Variants in USP15 observed in about 807,000 individuals in gnomAD.
The protein encoded by USP15 is ubiquitin carboxyl-terminal hydrolase 15.
Under a neutral mutation model 127.1 loss-of-function variants are expected in USP15, and 18 were observed. The observed-to-expected ratio is 0.14, with a 90% CI of 0.10 to 0.21. The LOEUF (loss-of-function observed/expected upper bound fraction) is 0.21, where lower values mean the gene tolerates loss of function less well. Ranked by LOEUF, USP15 falls within the 10% of genes least tolerant of loss-of-function variation. USP15 has a pLI of 1.00. For missense variants in USP15, 805 were observed against 1,159.9 expected (o/e 0.69, Z 4.44); for synonymous variants, 364 against 393.7 (o/e 0.92, Z 0.89).
At chr12:62,299,980 G>T (rs1004728151) in intron 2 of USP15, among the ~76,000 whole-genome samples, 1 of 152,034 alleles carries the variant, frequency 6.6e-6, no homozygotes, top group Non-Finnish European at 1.5e-5. Flanking sequence ...TTCAGATCCT[G>T]TGCCTATTTT....
intron 8 of USP15, among the ~76,000 whole-genome samples, chr12:62,371,163 C>G (rs542797741): frequency 1.3e-4 from 20 of 152,270 alleles, no homozygotes; most frequent in Admixed American, 2.0e-4. Context: ...GCCCCATCAC[C>G]TAAAGGATAA....
At chr12:62,313,378 T>C (rs989246194) in intron 3 of USP15, among the ~76,000 whole-genome samples, 12 of 151,810 alleles carry the variant, frequency 7.9e-5, no homozygotes, top group African/African-American at 2.4e-4. Flanking sequence ...ACCATACTTA[T>C]TCCTTTTCCT....
chr12:62,264,892 G>A (rs1174710346), intron 1 of USP15, among the ~76,000 whole-genome samples: 1 of 152,040 alleles, frequency 6.6e-6, no homozygotes, highest in Admixed American at 6.5e-5. Context: ...CCAGAGTAGG[G>A]TATATACTAC....
intron 2 of USP15, among the ~76,000 whole-genome samples, chr12:62,299,099 G>T (rs545271253): frequency 6.6e-6 from 1 of 152,078 alleles, no homozygotes; most frequent in East Asian, 1.9e-4. Context: ...TCATATAAAT[G>T]GAATCATACA....
intron 11 of USP15, among the ~76,000 whole-genome samples, chr12:62,384,734 G>A (rs2067095653): frequency 1.3e-5 from 2 of 151,436 alleles, no homozygotes; most frequent in South Asian, 4.1e-4. Context: ...TAATTTTTAG[G>A]CATTTTAGGA....
intron 11 of USP15, among the ~76,000 whole-genome samples, chr12:62,387,120 C>T (rs1029208505): frequency 6.6e-6 from 1 of 152,098 alleles, no homozygotes; most frequent in Non-Finnish European, 1.5e-5. Context: ...GATATGCTGA[C>T]TTACAGATGC....
At chr12:62,282,055 C>T (rs1401858887) in intron 1 of USP15, among the ~76,000 whole-genome samples, 1 of 152,172 alleles carries the variant, frequency 6.6e-6, no homozygotes, top group Admixed American at 6.5e-5. Context: ...AGGCCAGGCA[C>T]ACTGGCTCAT....
intron 20 of USP15, among the ~76,000 whole-genome samples, chr12:62,398,048 G>A (rs2067552620): frequency 6.6e-6 from 1 of 151,156 alleles, no homozygotes; most frequent in Non-Finnish European, 1.5e-5. Context: ...CTGGAGTGCA[G>A]TCGCATGATA....
intron 4 of USP15, among the ~76,000 whole-genome samples, chr12:62,319,930 C>T (rs138853101): frequency 3.9e-5 from 6 of 152,128 alleles, no homozygotes; most frequent in African/African-American, 1.4e-4. Context: ...AGCTCCCTTC[C>T]TTGGCTTCTT....
intron 6 of USP15, among the ~76,000 whole-genome samples, chr12:62,337,867 T>C (rs542452775): frequency 1.3e-5 from 2 of 152,192 alleles, no homozygotes; most frequent in Admixed American, 6.5e-5. Context: ...ACATTTTCTT[T>C]ATCCAGTCTA....
At chr12:62,294,023 C>G (rs1301850292) in intron 1 of USP15, among the ~76,000 whole-genome samples, 156 bp from the exon 2 acceptor site, 1 of 151,980 alleles carries the variant, frequency 6.6e-6, no homozygotes, top group Non-Finnish European at 1.5e-5. Flanking sequence ...CAAATGAAGT[C>G]TTGTCTTTCT....
intron 1 of USP15, among the ~76,000 whole-genome samples, chr12:62,284,345 CTCAAT>C (rs1200426817): frequency 6.6e-6 from 1 of 152,188 alleles, no homozygotes; most frequent in African/African-American, 2.4e-5. Flanking sequence ...GACTTAGTCC[CTCAAT>C]TCTTTTCTCA....
chr12:62,302,379 G>T (rs1314738407), intron 2 of USP15, among the ~76,000 whole-genome samples: 1 of 152,080 alleles, frequency 6.6e-6, no homozygotes, highest in African/African-American at 2.4e-5. Flanking sequence ...CCTAATAAAA[G>T]AATTATGTTT....
At chr12:62,382,097 A>G (rs1298529858) in intron 9 of USP15, among the ~76,000 whole-genome samples, 3 of 152,062 alleles carry the variant, frequency 2.0e-5, no homozygotes, top group Admixed American at 6.6e-5. Context: ...TTTGAGAGTC[A>G]TTATGAATTT....
In USP15 at chr12:62,405,875, G is replaced by A. The variant is rs1442200450; in HGVS notation, c.*1500G>A. The A allele has an allele frequency of 6.6e-6, 1 of 152,078 alleles. No homozygotes were observed. The highest frequency in any genetic ancestry group is 2.4e-5 in the African/African-American group (1 of 41,282). 9.4% of individuals were successfully genotyped at this position (152,078 alleles called of 1,614,324 possible). ...TTAAAAGTTTAAAAAAAATGCATTT[G>A]ACCAGGATAAATGAGGTATGTTGAT... On this transcript the variant is annotated 3_prime_UTR_variant, in exon 22 of 22. Transcript: ENST00000280377.
At position 62,407,610 on chromosome 12, in the gene USP15, T is replaced by A. The variant is rs2067912267; in HGVS notation, c.*3235T>A. On this transcript the variant is annotated 3_prime_UTR_variant, in exon 22 of 22. Transcript: ENST00000280377. Reference sequence around the variant, plus strand: ...TTATATACCTTTATTACAATTTTAATTAAATGGTAAATACAATGTGACATT... The same window carrying A: ...TTATATACCTTTATTACAATTTTAAATAAATGGTAAATACAATGTGACATT... 1 of 152,234 alleles carries A rather than the reference T, an allele frequency of 6.6e-6. No homozygotes were observed. Among genetic ancestry groups the A allele is most frequent in the Non-Finnish European group, 1.5e-5 (1 of 68,048 alleles). 9.4% of individuals were successfully genotyped at this position (152,234 alleles called of 1,614,324 possible).
intron 17 of USP15, among the ~76,000 whole-genome samples, 190 bp downstream of exon 17, chr12:62,392,076 C>A (rs1178038554): frequency 2.0e-5 from 3 of 151,528 alleles, no homozygotes; most frequent in African/African-American, 7.3e-5. Context: ...GTTCAGAGTT[C>A]ATTTTGAACG....
At chr12:62,261,137 G>A (rs2063042788) in intron 1 of USP15, among the ~76,000 whole-genome samples, 1 of 152,118 alleles carries the variant, frequency 6.6e-6, no homozygotes, top group South Asian at 2.1e-4. Context: ...CTTTAGTGGT[G>A]GCTTGATAGA....
chr12:62,342,799 G>A (rs964304853), intron 6 of USP15, among the ~76,000 whole-genome samples: 1 of 152,176 alleles, frequency 6.6e-6, no homozygotes, highest in Non-Finnish European at 1.5e-5. Context: ...GCACTGGCCT[G>A]ATGCCAGCCG....
Sources: allele counts gnomAD v4.1 joint callset (sites outside exome capture counted in the v4.1 genomes callset), GRCh38; gene constraint gnomAD v4.1.1; transcripts MANE v1.5; gene names NCBI Gene and HGNC (gene_info 2026-07-23, HGNC 2026-07-21).